The following ZMYM2 variants were observed in gnomAD, a reference collection of about 807,000 sequenced individuals.
ZMYM2 encodes the protein zinc finger MYM-type containing 2.
ZMYM2 carries 56 observed loss-of-function variants against 162.8 expected under a neutral mutation model. The ratio of observed to expected loss-of-function variants is 0.34; its 90% CI spans 0.28 to 0.43. ZMYM2 has a LOEUF of 0.43. Among genes scored for constraint, ZMYM2 ranks in the 20% least tolerant of loss-of-function variants. The pLI is 1.00. For missense variants in ZMYM2, 1,275 were observed against 1,621.8 expected (o/e 0.79, Z 3.67); for synonymous variants, 510 against 541.6 (o/e 0.94, Z 0.81).
At chr13:19,987,111 CAAAAAAAAAA>C (rs58588019) in intron 2 of ZMYM2, among the ~76,000 whole-genome samples, 38 of 40,960 alleles carry the variant, frequency 9.3e-4, no homozygotes, top group African/African-American at 2.1e-3. Context: ...GGCTCCGTCT[CAAAAAAAAAA>C]AAAAAAAAAA....
intron 2 of ZMYM2, among the ~76,000 whole-genome samples, chr13:19,990,718 G>T (rs548315225): frequency 6.6e-6 from 1 of 152,222 alleles, no homozygotes; most frequent in East Asian, 1.9e-4. Flanking sequence ...CCTTTCAGAG[G>T]CTCTTTAAAT....
intron 14 of ZMYM2, among the ~76,000 whole-genome samples, chr13:20,057,345 C>T (rs1955877257): frequency 6.6e-6 from 1 of 151,842 alleles, no homozygotes; most frequent in South Asian, 2.1e-4. Context: ...ACCATGTTGG[C>T]CAGGCTGGTT....
At chr13:20,047,979 AAG>A (rs1954974189) in intron 12 of ZMYM2, among the ~76,000 whole-genome samples, 1 of 152,084 alleles carries the variant, frequency 6.6e-6, no homozygotes, top group Non-Finnish European at 1.5e-5. Context: ...TTTTAAGAAA[AAG>A]AATTTAGTAT....
At chr13:19,906,345 A>ATG in the ZMYM2 span, among the ~76,000 whole-genome samples, 3 of 135,118 alleles carry the variant, frequency 2.2e-5, no homozygotes, top group Non-Finnish European at 4.7e-5. Flanking sequence ...GTGTATATAT[A>ATG]TGTGTGTGTA....
At chr13:19,896,618 G>A in the ZMYM2 span, among the ~76,000 whole-genome samples, 10 of 151,200 alleles carry the variant, frequency 6.6e-5, no homozygotes, top group African/African-American at 2.4e-4. Flanking sequence ...TTAGCTGGGC[G>A]TGGTGGAGGG....
intron 3 of ZMYM2, among the ~76,000 whole-genome samples, chr13:19,998,432 CA>C (rs1312037116): frequency 2.0e-5 from 3 of 152,126 alleles, no homozygotes; most frequent in East Asian, 3.9e-4. Flanking sequence ...GACAAGCCTA[CA>C]AAATAGAACA....
chr13:20,043,177 A>AT (rs1954430051), intron 12 of ZMYM2, among the ~76,000 whole-genome samples: 1 of 152,202 alleles, frequency 6.6e-6, no homozygotes, highest in Non-Finnish European at 1.5e-5. Context: ...CGGGGTACTT[A>AT]TATCAGTCTC....
chr13:19,965,515 A>G (rs1358191224), intron 2 of ZMYM2, among the ~76,000 whole-genome samples: 6 of 152,240 alleles, frequency 3.9e-5, no homozygotes, highest in African/African-American at 1.4e-4. Context: ...TTAGATAGTC[A>G]TAAAATATGT....
At chr13:19,870,807 A>C in the ZMYM2 span, among the ~76,000 whole-genome samples, 1 of 151,418 alleles carries the variant, frequency 6.6e-6, no homozygotes, top group East Asian at 2.0e-4. Context: ...TTGTATTTTT[A>C]GTAGAGACGG....
At chr13:20,062,229 A>G (rs1332083475) in intron 17 of ZMYM2, among the ~76,000 whole-genome samples, 2 of 152,192 alleles carry the variant, frequency 1.3e-5, no homozygotes, top group African/African-American at 4.8e-5. Flanking sequence ...GAAAAGAAAA[A>G]GCTAAGTGGA....
intron 6 of ZMYM2, among the ~76,000 whole-genome samples, chr13:20,016,492 A>T (rs1283094993): frequency 6.6e-6 from 1 of 152,184 alleles, no homozygotes; most frequent in African/African-American, 2.4e-5. Flanking sequence ...CATTTCAATA[A>T]AAAGCTTTGA....
At chr13:20,077,942 C>A (rs945924623) in intron 21 of ZMYM2, among the ~76,000 whole-genome samples, 2 of 151,564 alleles carry the variant, frequency 1.3e-5, no homozygotes, top group Non-Finnish European at 2.9e-5. Flanking sequence ...CTCAGCCTCC[C>A]GAATAGCTGG....
chr13:20,005,266 A>G, intron 5 of ZMYM2, 27 bp downstream of exon 5: 1 of 1,435,148 alleles, frequency 7.0e-7, no homozygotes, highest in Non-Finnish European at 9.3e-7. Context: ...TTTATCATTT[A>G]ATTCTAACAA....
chr13:19,884,377 G>A, the ZMYM2 span, among the ~76,000 whole-genome samples: 1 of 151,324 alleles, frequency 6.6e-6, no homozygotes, highest in African/African-American at 2.4e-5. Flanking sequence ...AGATCGAGAC[G>A]GCCCGGGCTA....
the ZMYM2 span, among the ~76,000 whole-genome samples, chr13:19,904,305 C>T: frequency 6.6e-6 from 1 of 152,134 alleles, no homozygotes; most frequent in Admixed American, 6.5e-5. Flanking sequence ...GCCTGTAATC[C>T]CAGCACTTTG....
At chr13:20,048,625 G>C (rs1235952113) in intron 12 of ZMYM2, among the ~76,000 whole-genome samples, 1 of 151,998 alleles carries the variant, frequency 6.6e-6, no homozygotes, top group East Asian at 1.9e-4. Flanking sequence ...GTATATATCA[G>C]TCAAAAATGA....
the ZMYM2 span, among the ~76,000 whole-genome samples, chr13:19,926,122 G>A: frequency 9.3e-5 from 14 of 151,150 alleles, no homozygotes; most frequent in African/African-American, 2.7e-4. Flanking sequence ...CACCAAGCCT[G>A]GCTAATTTTT....
chr13:19,884,038 A>AT, the ZMYM2 span, among the ~76,000 whole-genome samples: 1 of 152,190 alleles, frequency 6.6e-6, no homozygotes, highest in Non-Finnish European at 1.5e-5. Context: ...GATCACAGGC[A>AT]TGAGCCCCCG....
chr13:20,019,428 T>G, intron 6 of ZMYM2, 119 bp from the exon 7 acceptor site: 2 of 801,990 alleles, frequency 2.5e-6, no homozygotes, highest in Non-Finnish European at 3.8e-6. Context: ...AAAGTTGGAA[T>G]GAGTTTGTAA....
Sources: gnomAD v4.1 joint callset for allele counts (sites outside exome capture counted in the v4.1 genomes callset) on GRCh38, gnomAD v4.1.1 for gene constraint, MANE v1.5 for transcripts, NCBI Gene and HGNC (gene_info 2026-07-23, HGNC 2026-07-21) for gene names.